Variants in ANKS6 observed in about 807,000 individuals in gnomAD.
The protein encoded by ANKS6 is ankyrin repeat and sterile alpha motif domain containing 6.
In ANKS6, 47 loss-of-function variants were observed where a neutral mutation model predicts 77.9. That is an observed-to-expected ratio of 0.60 (90% CI 0.48 to 0.77). The LOEUF is 0.77. ANKS6 is among the 30% of genes least tolerant of loss of function. The pLI, the probability that ANKS6 is intolerant of heterozygous loss-of-function variation, is 0.00. For missense variants in ANKS6, 1,150 were observed against 1,159.1 expected (o/e 0.99, Z 0.11); for synonymous variants, 488 against 501.7 (o/e 0.97, Z 0.37).
chr9:98,768,311 T>C, intron 10 of ANKS6, 61 bp from the exon 11 acceptor site: 1 of 1,593,762 alleles, frequency 6.3e-7, no homozygotes, highest in East Asian at 2.2e-5. Context: ...AACACAAGGG[T>C]GGTGGACTGT....
intron 2 of ANKS6, 122 bp downstream of exon 2, chr9:98,789,982 C>T: frequency 1.5e-6 from 2 of 1,358,636 alleles, no homozygotes; most frequent in Non-Finnish European, 2.0e-6. Flanking sequence ...TCCTCAGTCT[C>T]AGTGGTCTGC....
At chr9:98,756,348 C>T (rs1290979241) in intron 12 of ANKS6, 72 bp downstream of exon 12, 11 of 1,526,016 alleles carry the variant, frequency 7.2e-6, no homozygotes, top group Non-Finnish European at 8.0e-6. Flanking sequence ...TTAAGGTCAC[C>T]TTGCAGTTCC....
Position 98,788,096 on chromosome 9 carries a change from T to A in ANKS6, c.862+2008A>T, listed in dbSNP as rs570995819. On this transcript the variant is annotated intron_variant, in intron 2 of 14. Coordinates refer to ENST00000353234, the MANE Select transcript of ANKS6 (RefSeq NM_173551.5). ...GCATCGAACCAAGTGGACAGTGACC[T>A]TGGCCACATCCACCAATGTGTCTGA... Among the ~76,000 whole-genome samples, 4 of 152,312 alleles carry A rather than the reference T, an allele frequency of 2.6e-5. No individual in the cohort carries two copies. The East Asian group carries it at 5.8e-4, about 22-fold the overall frequency.
chr9:98,760,400 CCCTCTAAT>C (rs1832944823), intron 11 of ANKS6, among the ~76,000 whole-genome samples: 1 of 742 alleles, frequency 1.3e-3, no homozygotes, highest in East Asian at 2.6e-3. Context: ...TCTAATCCTA[CCCTCTAAT>C]CCTGCCCTCT....
chr9:98,773,978 G>A lies in ANKS6; in HGVS notation c.1720C>T (p.Arg574Trp), dbSNP rs1451220911. ...PSSFELWSSDRSRTRHNGKAD... is the reference protein window; with the variant it reads ...PSSFELWSSDWSRTRHNGKAD... ...TTCCCGTTGTGACGCGTCCGGGACC[G>A]ATCAGAGCTCCACAGCTCAAAACTG... The change falls in exon 9 of 15, where the codon CGG (arginine) becomes TGG (tryptophan). Residue 574 changes from arginine to tryptophan, a missense_variant. Arg to Trp is a moderately radical substitution (Grantham distance 101, BLOSUM62 -3). Coordinates refer to ENST00000353234, the MANE Select transcript of ANKS6 (RefSeq NM_173551.5). 6.3e-6 allele frequency: 10 copies of A among 1,596,894 alleles called. No individual in the cohort carries two copies. The highest frequency in any genetic ancestry group is 7.7e-6 in the Non-Finnish European group (9 of 1,173,048).
chr9:98,766,024 C>T (rs1360494982), intron 11 of ANKS6, among the ~76,000 whole-genome samples: 6 of 152,200 alleles, frequency 3.9e-5, no homozygotes, highest in African/African-American at 1.4e-4. Flanking sequence ...AACAGATGCT[C>T]TGGCAGGAAT....
Position 98,790,595 on chromosome 9 carries a change from A to G in ANKS6, c.371T>C (p.Val124Ala), listed in dbSNP as rs748019917. Residue 124 changes from valine to alanine, a missense_variant, in exon 2 of 15, where the codon GTG becomes GCG. Transcript: ENST00000353234. ...ALMQAARFGH[V>A]SVAHLLLDHG... ...ATCCAACAGGAGGTGTGCCACACTC[A>G]CATGCCCAAATCTGCCAGGAAGATG... 6.9e-6 allele frequency: 11 copies of G among 1,597,996 alleles called. No individual in the cohort carries two copies. In the South Asian group the frequency reaches 1.1e-4, roughly 16 times the overall value.
chr9:98,756,790 G>T (rs562907196), intron 11 of ANKS6, among the ~76,000 whole-genome samples, 187 bp from the exon 12 acceptor site: 2 of 152,212 alleles, frequency 1.3e-5, no homozygotes, highest in African/African-American at 2.4e-5. Flanking sequence ...AGAGGAAAAT[G>T]CAACCCTGGA....
At chr9:98,751,135 A>T (rs1241776340) in intron 12 of ANKS6, 39 bp from the exon 13 acceptor site, 1 of 1,537,940 alleles carries the variant, frequency 6.5e-7, no homozygotes, top group East Asian at 2.2e-5. Context: ...AACACATTTT[A>T]GAATTTGGTA....
Position 98,773,932 on chromosome 9 carries a change from G to A in ANKS6, c.1766C>T (p.Ala589Val), listed in dbSNP as rs368165175. ...HNGKADPMKT[A>V]LPQRASRGHP... ...GCCCCTGCTGGCTCTCTGGGGCAGC[G>A]CAGTCTTCATGGGGTCTGCCTTCCC... The change falls in exon 9 of 15, where the codon GCG (alanine) becomes GTG (valine). Residue 589 changes from alanine to valine, a missense_variant. By Grantham distance (64) the Ala-to-Val change is moderately conservative. Transcript: ENST00000353234. 26 of 1,597,284 alleles carry A rather than the reference G, an allele frequency of 1.6e-5. No homozygotes were observed. The highest frequency in any genetic ancestry group is 1.4e-4 in the East Asian group (6 of 43,776).
chr9:98,755,691 T>C (rs1832663402), intron 12 of ANKS6, among the ~76,000 whole-genome samples: 1 of 152,156 alleles, frequency 6.6e-6, no homozygotes, highest in African/African-American at 2.4e-5. Flanking sequence ...CATATGTCAG[T>C]AGGTTGGACC....
chr9:98,732,541 C>T lies in ANKS6; in HGVS notation c.*3978G>A. ...GGAGGCAGTTTCTTCTGGCCTCACCCACCCAACCATGGCTACGTCAGGGCA... is the reference window on the plus strand; with the variant it reads ...GGAGGCAGTTTCTTCTGGCCTCACCTACCCAACCATGGCTACGTCAGGGCA... On this transcript the variant is annotated 3_prime_UTR_variant, in exon 15 of 15. Transcript: ENST00000353234. The T allele has an allele frequency of 1.9e-6, 3 of 1,550,628 alleles. No homozygotes were observed. Among genetic ancestry groups the T allele is most frequent in the Non-Finnish European group, 2.6e-6 (3 of 1,147,008 alleles).
intron 14 of ANKS6, among the ~76,000 whole-genome samples, chr9:98,745,040 A>G (rs941931748): frequency 2.0e-5 from 3 of 152,018 alleles, no homozygotes; most frequent in South Asian, 2.1e-4. Context: ...GGGTGAGGGC[A>G]CTGATATTTT....
rs1006422352 is a variant in ANKS6, at chr9:98,733,040, T to C, written c.*3479A>G. The stretch of plus-strand genomic sequence containing the variant: ...CATCGATGACTTTCCCTGAGCTGTA[T>C]ACCCAGCAGGCTTCATCACCACACC... On this transcript the variant is annotated 3_prime_UTR_variant, in exon 15 of 15. Coordinates refer to ENST00000353234, the MANE Select transcript of ANKS6 (RefSeq NM_173551.5). The C allele has an allele frequency of 1.2e-6, 1 of 832,844 alleles. No homozygotes were observed. Among genetic ancestry groups the C allele is most frequent in the Non-Finnish European group, 1.5e-6 (1 of 686,048 alleles). The allele number at this position is 832,844 out of a possible 1,614,324, so 51.6% of individuals were successfully genotyped here.
Position 98,790,183 on chromosome 9 carries a change from G to A in ANKS6, c.783C>T (p.Ala261=). 10 of 1,602,508 alleles carry A rather than the reference G, an allele frequency of 6.2e-6. No homozygotes were observed. Among genetic ancestry groups the A allele is most frequent in the Non-Finnish European group, 8.5e-6 (10 of 1,170,596 alleles). ...PDHLSVLEKT[A]FEVALDCKHR... Reference sequence around the variant, plus strand: ...GCTTGCAGTCCAGTGCAACCTCGAAGGCGGTCTTCTCCAGCACGCTGAGGT... The same window carrying A: ...GCTTGCAGTCCAGTGCAACCTCGAAAGCGGTCTTCTCCAGCACGCTGAGGT... The change falls in exon 2 of 15, where the codon GCC becomes GCT. Residue 261 remains alanine, a synonymous_variant. Transcript: ENST00000353234.
In ANKS6 at chr9:98,791,553, G is replaced by T. The variant is rs1402322634; in HGVS notation, c.360-947C>A. Among the ~76,000 whole-genome samples, 1 of 152,156 alleles carries T rather than the reference G, an allele frequency of 6.6e-6. No individual in the cohort carries two copies. Among genetic ancestry groups the T allele is most frequent in the African/African-American group, 2.4e-5 (1 of 41,428 alleles). On this transcript the variant is annotated intron_variant, in intron 1 of 14. Transcript: ENST00000353234. The surrounding 1 kb of genome is among the most constrained non-coding windows in gnomAD (Gnocchi z 4.3). Reference sequence around the variant, plus strand: ...AAAAGTTCTGTTTTGTGGTGTCTCTGGTGGGCTCGGAGCTGTGTATCTCCA... The same window carrying T: ...AAAAGTTCTGTTTTGTGGTGTCTCTTGTGGGCTCGGAGCTGTGTATCTCCA...
chr9:98,733,245 C>A lies in ANKS6; in HGVS notation c.*3274G>T. On this transcript the variant is annotated 3_prime_UTR_variant, in exon 15 of 15. Transcript: ENST00000353234. The stretch of plus-strand genomic sequence containing the variant: ...ACAATCTCCTCACAAAACCAGCTGG[C>A]CTCCATGTAATTTTGTGGCGCTGAA... 1 of 985,510 alleles carries A rather than the reference C, an allele frequency of 1.0e-6. No homozygotes were observed. The highest frequency in any genetic ancestry group is 1.2e-6 in the Non-Finnish European group (1 of 830,028). The allele number at this position is 985,510 out of a possible 1,614,324, so 61.0% of individuals were successfully genotyped here. A position where few individuals can be genotyped will look rare whatever the true frequency, so the allele number is the denominator to read the frequency against.
At chr9:98,755,452 T>C (rs1832649656) in intron 12 of ANKS6, among the ~76,000 whole-genome samples, 1 of 152,168 alleles carries the variant, frequency 6.6e-6, no homozygotes. Context: ...TTATCTTTCC[T>C]GGGGCCTGAC....
intron 12 of ANKS6, among the ~76,000 whole-genome samples, chr9:98,755,668 C>T (rs1012995184): frequency 6.6e-6 from 1 of 152,202 alleles, no homozygotes; most frequent in Non-Finnish European, 1.5e-5. Flanking sequence ...ATTTCTCTCC[C>T]ACTTCCAATA....
Sources: allele counts gnomAD v4.1 joint callset (sites outside exome capture counted in the v4.1 genomes callset), GRCh38; gene constraint gnomAD v4.1.1; non-coding constraint Gnocchi (gnomAD v3.1); transcripts MANE v1.5; gene names NCBI Gene and HGNC (gene_info 2026-07-23, HGNC 2026-07-21).